Variants in PKD1 observed in about 807,000 individuals in gnomAD.
The protein encoded by PKD1 is polycystin-1.
A neutral mutation model predicts 361.7 loss-of-function variants in PKD1; 81 were observed. The ratio of observed to expected loss-of-function variants is 0.22; its 90% CI spans 0.19 to 0.27. PKD1 has a LOEUF of 0.27. PKD1 is among the 10% of genes least tolerant of loss of function. The pLI, the probability that PKD1 is intolerant of heterozygous loss-of-function variation, is 1.00. For synonymous variants in PKD1, 3,615 were observed against 2,818.3 expected, an observed-to-expected ratio of 1.28 and a Z score of -8.95; for missense variants, 6,399 against 6,118.3, an observed-to-expected ratio of 1.05 and a Z score of -1.53.
rs769621459 is a variant in PKD1, at chr16:2,111,403, C to A, written c.3764G>T (p.Gly1255Val). 7 of 1,611,616 alleles carry A rather than the reference C, an allele frequency of 4.3e-6. No homozygotes were observed. Among genetic ancestry groups the A allele is most frequent in the Middle Eastern group, 3.3e-4 (2 of 6,046 alleles). Reference sequence around the variant, plus strand: ...CACATGCTCCACTGTTGCCTCCGGGCCCGACAGCACGGTGCCGTCCCCCAT... The same window carrying A: ...CACATGCTCCACTGTTGCCTCCGGGACCGACAGCACGGTGCCGTCCCCCAT... ...FDMGDGTVLS[G>V]PEATVEHVYL... Residue 1255 changes from glycine (G) to valine (V), a missense_variant, in exon 15 of 46, where the codon GGC becomes GTC. Gly to Val is a moderately radical substitution (Grantham distance 109). Coordinates refer to ENST00000262304, the MANE Select transcript of PKD1 (RefSeq NM_001009944.3).
At chr16:2,120,949 G>T (rs1322107203) in intron 1 of PKD1, among the ~76,000 whole-genome samples, 1 of 149,216 alleles carries the variant, frequency 6.7e-6, no homozygotes, top group South Asian at 2.1e-4. Context: ...CCCGGGAGGC[G>T]AAGGTTGCAG....
rs773146010 is a variant in PKD1, at chr16:2,102,089, G to C, written c.9369C>G (p.Leu3123=). Residue 3123 remains leucine, a synonymous_variant, in exon 26 of 46, where the codon CTC becomes CTG. Coordinates refer to ENST00000262304, the MANE Select transcript of PKD1 (RefSeq NM_001009944.3). Reference sequence around the variant, plus strand: ...AGCCCCGGCCCCAGCCTGTCTTGACGAGGATCTCGTACTTGAAGCGGCCCC... The same window carrying C: ...AGCCCCGGCCCCAGCCTGTCTTGACCAGGATCTCGTACTTGAAGCGGCCCC... ...GQRGRFKYEI[L]VKTGWGRGSG... 6.4e-7 allele frequency: 1 copy of C among 1,570,438 alleles called. No homozygotes were observed.
chr16:2,091,892 C>T lies in PKD1; in HGVS notation c.11426G>A (p.Gly3809Asp). 1 of 1,611,520 alleles carries T rather than the reference C, an allele frequency of 6.2e-7. No homozygotes were observed. Among genetic ancestry groups the T allele is most frequent in the African/African-American group, 1.3e-5 (1 of 75,022 alleles). The change falls in exon 41 of 46, where the codon GGC becomes GAC. Residue 3809 changes from glycine (G) to aspartate (D), a missense_variant. Coordinates refer to ENST00000262304, the MANE Select transcript of PKD1 (RefSeq NM_001009944.3). ...APDLLGAWSW[G>D]SCAVYDSGGY... The stretch of plus-strand genomic sequence containing the variant: ...CCCGCTGTCATACACGGCACAGGAG[C>T]CCCAGGACCATGCCCTGCCGGAGAG...
At position 2,111,291 on chromosome 16, in the gene PKD1, G is replaced by C. The variant is rs569009244; in HGVS notation, c.3876C>G (p.Phe1292Leu). The change falls in exon 15 of 46, where the codon TTC (phenylalanine) becomes TTG (leucine). Residue 1292 changes from phenylalanine to leucine, a missense_variant. Physicochemically the swap from Phe to Leu is conservative, Grantham distance 22. Transcript: ENST00000262304. ...GTTCAACGCGCAGCACCTCCAGGAC[G>C]AAGACCAGCACGTGCAGGCTCCGGG... The part of the protein sequence containing the change: ...HLARSLHVLV[F>L]VLEVLRVEPA... 1.9e-6 allele frequency: 3 copies of C among 1,609,446 alleles called. No homozygotes were observed. The highest frequency in any genetic ancestry group is 2.5e-6 in the Non-Finnish European group (3 of 1,179,422).
In PKD1 at chr16:2,110,643, G is replaced by C. The variant is rs144200494; in HGVS notation, c.4524C>G (p.Leu1508=). 42 of 1,609,852 alleles carry C rather than the reference G, an allele frequency of 2.6e-5. No individual in the cohort carries two copies. The highest frequency in any genetic ancestry group is 3.2e-5 in the Non-Finnish European group (38 of 1,179,284). The change falls in exon 15 of 46, where the codon CTC becomes CTG. Residue 1508 remains leucine, a synonymous_variant. Coordinates refer to ENST00000262304, the MANE Select transcript of PKD1 (RefSeq NM_001009944.3). ...AAGCGTGGGTGACCTCCGGACCCTC[G>C]AGCCACCCACCGTCCCCCAGATCCC... ...YLWDLGDGGW[L]EGPEVTHAYN... is the part of the protein sequence containing the mutation.
chr16:2,101,407 G>A (rs2092090977), intron 26 of PKD1, among the ~76,000 whole-genome samples: 2 of 152,144 alleles, frequency 1.3e-5, no homozygotes, highest in Non-Finnish European at 2.9e-5. Flanking sequence ...CAGCACTCTG[G>A]CAGGCCGAGG....
chr16:2,092,115 G>A lies in PKD1; in HGVS notation c.11343C>T (p.Tyr3781=). ...TGTGAGGACTCTCCCAGCCAACGTC[G>A]TAATCGCTGGTGCTGAAGCCTCCTG... ...SAAGGFSTSD[Y]DVGWESPHNG... Residue 3781 remains tyrosine (Y), a synonymous_variant, in exon 40 of 46, where the codon TAC becomes TAT. Coordinates refer to ENST00000262304, the MANE Select transcript of PKD1 (RefSeq NM_001009944.3). 1.5e-5 allele frequency: 24 copies of A among 1,612,856 alleles called. No individual in the cohort carries two copies. Among genetic ancestry groups the A allele is most frequent in the South Asian group, 3.3e-5 (3 of 91,088 alleles).
At chr16:2,126,594 C>T (rs919397730) in intron 1 of PKD1, among the ~76,000 whole-genome samples, 1 of 152,274 alleles carries the variant, frequency 6.6e-6, no homozygotes, top group Non-Finnish European at 1.5e-5. Flanking sequence ...GAGACTGTGG[C>T]GCCCCCGCTG....
At chr16:2,121,348 G>T (rs1197481031) in intron 1 of PKD1, among the ~76,000 whole-genome samples, 1 of 151,460 alleles carries the variant, frequency 6.6e-6, no homozygotes, top group Non-Finnish European at 1.5e-5. Flanking sequence ...ACCCCATCCT[G>T]CAAGAGTGAA....
Position 2,110,242 on chromosome 16 carries a change from C to A in PKD1, c.4925G>T (p.Arg1642Leu). The stretch of plus-strand genomic sequence containing the variant: ...TACCGTGTGGTTGGTGGGGAAGTAG[C>A]GGCCACCGCCCACCACCTGCAGCCC... ...IEGLQVVGGG[R>L]YFPTNHTVQL... is the part of the protein sequence containing the mutation. The change falls in exon 15 of 46, where the codon CGC (arginine) becomes CTC (leucine). Residue 1642 changes from arginine (R) to leucine (L), a missense_variant. Arg to Leu is a moderately radical substitution (Grantham distance 102, BLOSUM62 -2). Coordinates refer to ENST00000262304, the MANE Select transcript of PKD1 (RefSeq NM_001009944.3). The A allele has an allele frequency of 1.9e-6, 3 of 1,611,904 alleles. No homozygotes were observed. The highest frequency in any genetic ancestry group is 2.5e-6 in the Non-Finnish European group (3 of 1,179,610).
In PKD1 at chr16:2,112,324, C is replaced by A. The variant is rs964150892; in HGVS notation, c.3295+16G>T. On this transcript the variant is annotated intron_variant, in intron 14 of 45. Coordinates refer to ENST00000262304, the MANE Select transcript of PKD1 (RefSeq NM_001009944.3). ...AGCCTGAAAGGCAGTGGCCCCCTCACCCCCTCATCCCTCACCTGGGGCAGC... is the reference window on the plus strand; with the variant it reads ...AGCCTGAAAGGCAGTGGCCCCCTCAACCCCTCATCCCTCACCTGGGGCAGC... The A allele has an allele frequency of 1.3e-6, 2 of 1,583,180 alleles. No homozygotes were observed. The highest frequency in any genetic ancestry group is 1.7e-6 in the Non-Finnish European group (2 of 1,171,348).
Position 2,090,101 on chromosome 16 carries a change from C to A in PKD1, c.12538G>T (p.Ala4180Ser). ...KVSPDVPPPS[A>S]GSDASHPSTS... ...GAGGGGTGCGAGGCATCGGAGCCAG[C>A]GCTGGGTGGGGGCACATCCGGGGAT... Residue 4180 changes from alanine to serine, a missense_variant, in exon 46 of 46, where the codon GCT becomes TCT. Transcript: ENST00000262304. The A allele has an allele frequency of 6.2e-7, 1 of 1,605,072 alleles. No homozygotes were observed. Among genetic ancestry groups the A allele is most frequent in the Non-Finnish European group, 8.5e-7 (1 of 1,174,844 alleles).
In PKD1 at chr16:2,105,573, A is replaced by G; in HGVS notation, c.7864-99T>C. 1.1e-5 allele frequency: 18 copies of G among 1,593,678 alleles called. 1 individual carries two copies. Among genetic ancestry groups the G allele is most frequent in the Non-Finnish European group, 1.5e-5 (18 of 1,178,418 alleles). ...CTCCCGGGGTGCAGTTACGTGCTAG[A>G]CGCTGTGTGATGCGGGCACTGACCC... is the stretch of plus-strand genomic sequence containing the variant. On this transcript the variant is annotated intron_variant, in intron 20 of 45. Coordinates refer to ENST00000262304, the MANE Select transcript of PKD1 (RefSeq NM_001009944.3).
Position 2,089,712 on chromosome 16 carries a change from C to A in PKD1, c.*15G>T. ...CCACTCCGACTCCACGGCCCACCCCCGCCAGGAAGGAGGACTAAGTGCTGC... is the reference window on the plus strand; with the variant it reads ...CCACTCCGACTCCACGGCCCACCCCAGCCAGGAAGGAGGACTAAGTGCTGC... On this transcript the variant is annotated 3_prime_UTR_variant, in exon 46 of 46. Transcript: ENST00000262304. 1.3e-6 allele frequency: 2 copies of A among 1,566,438 alleles called. No individual in the cohort carries two copies. The highest frequency in any genetic ancestry group is 1.3e-5 in the African/African-American group (1 of 74,334).
At chr16:2,094,288 G>C in intron 34 of PKD1, 78 bp from the exon 35 acceptor site, 1 of 929,834 alleles carries the variant, frequency 1.1e-6, no homozygotes, top group South Asian at 1.4e-5. Context: ...AACCTGGGCG[G>C]GCAGTTTCTT....
chr16:2,122,633 A>G (rs1029262736), intron 1 of PKD1, among the ~76,000 whole-genome samples: 8 of 152,230 alleles, frequency 5.3e-5, no homozygotes, highest in African/African-American at 1.7e-4. Context: ...ACTCACACCC[A>G]CTGCCCAAGC....
chr16:2,119,064 T>A, intron 3 of PKD1, 50 bp downstream of exon 3: 1 of 1,048,626 alleles, frequency 9.5e-7, no homozygotes, highest in South Asian at 1.3e-5. Context: ...AGAAGGGATA[T>A]TGGGGGCCTG....
At chr16:2,095,600 AG>A (rs963273458) in intron 34 of PKD1, among the ~76,000 whole-genome samples, 4 of 152,184 alleles carry the variant, frequency 2.6e-5, no homozygotes, top group Non-Finnish European at 5.9e-5. Flanking sequence ...GCTCAGGCGC[AG>A]GGAAGGCCGT....
chr16:2,096,264 G>A (rs931618847), intron 34 of PKD1, among the ~76,000 whole-genome samples: 1 of 152,248 alleles, frequency 6.6e-6, no homozygotes, highest in Non-Finnish European at 1.5e-5. Flanking sequence ...TGTGGCTCCG[G>A]GGCACCGCAC....
Sources: gnomAD v4.1 joint callset for allele counts (sites outside exome capture counted in the v4.1 genomes callset) on GRCh38, gnomAD v4.1.1 for gene constraint, MANE v1.5 for transcripts, NCBI Gene and HGNC (gene_info 2026-07-23, HGNC 2026-07-21) for gene names.